Variants in SASH1 observed in about 807,000 individuals in gnomAD.
The protein encoded by SASH1 is SAM and SH3 domain containing 1, also known as SAM and SH3 domain-containing protein 1.
In SASH1, 44 loss-of-function variants were observed where a neutral mutation model predicts 125.2. The ratio of observed to expected loss-of-function variants is 0.35; its 90% CI spans 0.28 to 0.45. The LOEUF (loss-of-function observed/expected upper bound fraction) is 0.45, where lower values mean the gene tolerates loss of function less well. Ranked by LOEUF, SASH1 falls within the 20% of genes least tolerant of loss-of-function variation. The pLI is 1.00. For synonymous variants in SASH1, 639 were observed against 649.1 expected (o/e 0.98, Z 0.24); for missense variants, 1,426 against 1,614.5 (o/e 0.88, Z 2.00).
chr6:148,359,136 T>A (rs1222120945), intron 1 of SASH1, among the ~76,000 whole-genome samples: 2 of 152,130 alleles, frequency 1.3e-5, no homozygotes, highest in Non-Finnish European at 2.9e-5. Flanking sequence ...TTATGCACTT[T>A]GCAGTTATGG....
rs1781640739 is a variant in SASH1, at chr6:148,533,411, A to C, written c.1735-360A>C. ...TTGCCACTGGTTAGGACAGGTGGGA[A>C]GTGCCTCCTCTAAGAAGTGGGAGCC... On this transcript the variant is annotated intron_variant, in intron 14 of 19. Transcript: ENST00000367467. This position sits in a 1 kb window ranked among gnomAD's most constrained non-coding sequence, Gnocchi z 6.2. 6.6e-6 allele frequency among the ~76,000 whole-genome samples: 1 copy of C among 152,182 alleles called. No individual in the cohort carries two copies. The highest frequency in any genetic ancestry group is 2.1e-4 in the South Asian group (1 of 4,834).
intron 1 of SASH1, among the ~76,000 whole-genome samples, chr6:148,373,740 T>TGG (rs373596432): frequency 6.1e-4 from 93 of 151,866 alleles, no homozygotes; most frequent in African/African-American, 2.1e-3. Flanking sequence ...GAGGCCAAGG[T>TGG]GGGGGGGATC....
chr6:148,524,388 G>A (rs1162386142), intron 10 of SASH1: 1 of 151,980 alleles, frequency 6.6e-6, no homozygotes. Context: ...ATTAATGTGT[G>A]TTGTGGGGCA....
chr6:148,259,982 CTT>C, the SASH1 span, among the ~76,000 whole-genome samples: 1 of 152,158 alleles, frequency 6.6e-6, no homozygotes, highest in Non-Finnish European at 1.5e-5. Context: ...AACTCGTAGA[CTT>C]AAGTGATTCT....
At chr6:148,502,658 C>G (rs1163257163) in intron 8 of SASH1, among the ~76,000 whole-genome samples, 1 of 151,992 alleles carries the variant, frequency 6.6e-6, no homozygotes, top group Non-Finnish European at 1.5e-5. Flanking sequence ...CCGGGAAGCT[C>G]CTGTTGACTG....
chr6:148,379,843 C>T, intron 1 of SASH1: 1 of 448,036 alleles, frequency 2.2e-6, no homozygotes, highest in Non-Finnish European at 4.5e-6. Context: ...AAGTGGGGAG[C>T]ATATGTTAAA....
chr6:148,308,697 C>A (rs1295262591), intron 1 of SASH1, among the ~76,000 whole-genome samples: 1 of 142,338 alleles, frequency 7.0e-6, no homozygotes, highest in Non-Finnish European at 1.5e-5. Context: ...CACCTGGCAA[C>A]TTAGGAGCTT....
the SASH1 span, among the ~76,000 whole-genome samples, chr6:148,227,375 T>G: frequency 6.6e-6 from 1 of 152,010 alleles, no homozygotes; most frequent in Non-Finnish European, 1.5e-5. Flanking sequence ...TTGTTTGTTT[T>G]GAGACAGAGT....
At chr6:148,329,572 A>G (rs1780929210) in intron 1 of SASH1, among the ~76,000 whole-genome samples, 1 of 152,216 alleles carries the variant, frequency 6.6e-6, no homozygotes, top group Non-Finnish European at 1.5e-5. Flanking sequence ...ATTTATTTAT[A>G]TCTTCAATTG....
chr6:148,294,751 GC>G (rs1387523524), intron 1 of SASH1, among the ~76,000 whole-genome samples: 1 of 152,178 alleles, frequency 6.6e-6, no homozygotes, highest in Non-Finnish European at 1.5e-5. Context: ...CGAGAGGGGA[GC>G]AAAAATTTCT....
intron 1 of SASH1, among the ~76,000 whole-genome samples, chr6:148,384,883 T>C (rs1175931770): frequency 6.6e-6 from 1 of 152,148 alleles, no homozygotes. Context: ...CCATATAACA[T>C]AGAAATGATG....
chr6:148,231,170 C>T, the SASH1 span, among the ~76,000 whole-genome samples: 14 of 152,140 alleles, frequency 9.2e-5, no homozygotes, highest in African/African-American at 1.4e-4. Flanking sequence ...GTGAGAAAAG[C>T]GCTCAACTTT....
intron 2 of SASH1, among the ~76,000 whole-genome samples, chr6:148,402,186 A>G (rs1040810199): frequency 6.6e-6 from 1 of 152,238 alleles, no homozygotes; most frequent in African/African-American, 2.4e-5. Context: ...ACATGTCTAA[A>G]CCTCAGGGTA....
the SASH1 span, among the ~76,000 whole-genome samples, chr6:148,194,975 A>G: frequency 6.6e-6 from 1 of 152,256 alleles, no homozygotes; most frequent in South Asian, 2.1e-4. Flanking sequence ...CTGAGCTGGT[A>G]AGCCATTCTG....
intron 1 of SASH1, among the ~76,000 whole-genome samples, chr6:148,276,175 G>C (rs922232136): frequency 6.6e-6 from 1 of 152,166 alleles, no homozygotes; most frequent in Non-Finnish European, 1.5e-5. Flanking sequence ...TTCTTCATTT[G>C]TAAGATGAGA....
At chr6:148,234,010 T>G in the SASH1 span, among the ~76,000 whole-genome samples, 1 of 151,758 alleles carries the variant, frequency 6.6e-6, no homozygotes, top group African/African-American at 2.4e-5. Flanking sequence ...TGCTGTGAAA[T>G]GAGTACCACT....
At chr6:148,425,694 C>T (rs1335162762) in intron 2 of SASH1, among the ~76,000 whole-genome samples, 6 of 129,860 alleles carry the variant, frequency 4.6e-5, no homozygotes, top group Non-Finnish European at 9.8e-5. Context: ...CTCCCCTCCC[C>T]TCCCCTTCTC....
At chr6:148,414,585 C>G (rs879582137) in intron 2 of SASH1, among the ~76,000 whole-genome samples, 2 of 152,144 alleles carry the variant, frequency 1.3e-5, no homozygotes, top group African/African-American at 2.4e-5. Flanking sequence ...TACAACGTGC[C>G]AGGCACTGGT....
the SASH1 span, among the ~76,000 whole-genome samples, chr6:148,244,959 TGAGA>T: frequency 0.12 from 14,279 of 117,300 alleles, 593 homozygotes; most frequent in East Asian, 0.26. Context: ...TGTGTGTGTG[TGAGA>T]GAGAGAGAGA....
Sources: gnomAD v4.1 joint callset for allele counts (sites outside exome capture counted in the v4.1 genomes callset) on GRCh38, gnomAD v4.1.1 for gene constraint, Gnocchi (gnomAD v3.1) non-coding constraint, MANE v1.5 for transcripts, NCBI Gene and HGNC (gene_info 2026-07-23, HGNC 2026-07-21) for gene names.